Variants in SV2C observed in about 807,000 individuals in gnomAD.
SV2C encodes the protein solute carrier family 22 member B3.
Under a neutral mutation model 79.7 loss-of-function variants are expected in SV2C, and 49 were observed. The ratio of observed to expected loss-of-function variants is 0.61; its 90% CI spans 0.49 to 0.78. The LOEUF is 0.78. SV2C is among the 30% of genes least tolerant of loss of function. SV2C has a pLI of 0.00. For missense variants in SV2C, 833 were observed against 912.9 expected (o/e 0.91, Z 1.13); for synonymous variants, 334 against 333.2 (o/e 1.00, Z -0.03).
At chr5:75,990,494 T>C in the SV2C span, among the ~76,000 whole-genome samples, 1 of 151,994 alleles carries the variant, frequency 6.6e-6, no homozygotes, top group Admixed American at 6.6e-5. Flanking sequence ...CATTACAGAG[T>C]TCTGTTCCAA....
At chr5:76,204,872 TCA>T (rs1744563155) in intron 3 of SV2C, among the ~76,000 whole-genome samples, 1 of 152,162 alleles carries the variant, frequency 6.6e-6, no homozygotes, top group African/African-American at 2.4e-5. Flanking sequence ...GCTGTGAAAT[TCA>T]CAGTCAGGCT....
chr5:75,896,809 T>A, the SV2C span, among the ~76,000 whole-genome samples: 1 of 149,312 alleles, frequency 6.7e-6, no homozygotes, highest in Non-Finnish European at 1.5e-5. Context: ...TGCATTTCTC[T>A]GACGGCCAGT....
chr5:76,270,216 G>A (rs749790696), intron 4 of SV2C, among the ~76,000 whole-genome samples: 4 of 152,190 alleles, frequency 2.6e-5, no homozygotes, highest in Non-Finnish European at 5.9e-5. Context: ...ATGCTTTAAA[G>A]CTGTATTGTA....
chr5:76,352,713 CAATA>C (rs1749665077), intron 12 of SV2C, among the ~76,000 whole-genome samples: 1 of 152,146 alleles, frequency 6.6e-6, no homozygotes, highest in African/African-American at 2.4e-5. Flanking sequence ...GCTGGCTAGA[CAATA>C]AATATTTCAT....
At chr5:76,237,012 G>C (rs1280783172) in intron 4 of SV2C, among the ~76,000 whole-genome samples, 2 of 152,206 alleles carry the variant, frequency 1.3e-5, no homozygotes, top group Non-Finnish European at 2.9e-5. Context: ...CTGATGCCCT[G>C]TGAAGAAGGT....
At chr5:76,106,421 C>T (rs1328099879) in intron 1 of SV2C, among the ~76,000 whole-genome samples, 1 of 152,170 alleles carries the variant, frequency 6.6e-6, no homozygotes, top group African/African-American at 2.4e-5. Context: ...TAAAAGAAGT[C>T]AGATCATGTC....
chr5:76,033,402 T>A, the SV2C span, among the ~76,000 whole-genome samples: 3 of 152,244 alleles, frequency 2.0e-5, no homozygotes, highest in Admixed American at 1.3e-4. Flanking sequence ...AAGTCTTTAA[T>A]CCATCTTGAA....
chr5:76,290,074 G>C lies in SV2C; in HGVS notation c.1138-1147G>C, dbSNP rs547214079. ...GTATGTTGGATTAAGACTATCCCATGATGTAAAAAGAAAAGAAAAAAAAAC... is the reference window on the plus strand; with the variant it reads ...GTATGTTGGATTAAGACTATCCCATCATGTAAAAAGAAAAGAAAAAAAAAC... On this transcript the variant is annotated intron_variant, in intron 6 of 12. Coordinates refer to ENST00000502798, the MANE Select transcript of SV2C (RefSeq NM_014979.4). Among the ~76,000 whole-genome samples the C allele has an allele frequency of 2.6e-4, 39 of 149,568 alleles. 2 individuals carry two copies. The Middle Eastern group carries it at 0.014, about 53-fold the overall frequency.
chr5:76,080,872 G>A (rs1746975730), upstream of SV2C, among the ~76,000 whole-genome samples: 1 of 152,208 alleles, frequency 6.6e-6, no homozygotes. Context: ...AATAAAACTA[G>A]TCTGAGTGCT....
intron 4 of SV2C, among the ~76,000 whole-genome samples, chr5:76,249,284 G>T (rs1364752034): frequency 6.6e-6 from 1 of 152,064 alleles, no homozygotes; most frequent in East Asian, 1.9e-4. Context: ...TTAAGTGGGT[G>T]GTTCTGTAGT....
At chr5:76,132,365 A>T (rs370097334) in intron 2 of SV2C, 35 bp downstream of exon 2, 431 of 1,560,598 alleles carry the variant, frequency 2.8e-4, no homozygotes, top group Non-Finnish European at 3.5e-4. Context: ...CAACTCTGAA[A>T]CTGGCTTATT....
intron 4 of SV2C, among the ~76,000 whole-genome samples, chr5:76,212,614 C>T (rs1006198100): frequency 2.6e-5 from 4 of 152,172 alleles, no homozygotes; most frequent in Admixed American, 2.6e-4. Flanking sequence ...TGTCTCTTTC[C>T]TGGTCCTCCC....
At chr5:76,021,071 T>A in the SV2C span, among the ~76,000 whole-genome samples, 9,367 of 152,258 alleles carry the variant, frequency 0.062, 941 homozygotes, top group African/African-American at 0.21. Context: ...CATTGGTCTA[T>A]CCAGTGATTG....
At chr5:76,235,875 T>C (rs1217876577) in intron 4 of SV2C, among the ~76,000 whole-genome samples, 2 of 152,164 alleles carry the variant, frequency 1.3e-5, no homozygotes, top group Non-Finnish European at 2.9e-5. Flanking sequence ...TTGATTAAAA[T>C]AGAGAACAGT....
the SV2C span, among the ~76,000 whole-genome samples, chr5:75,948,592 G>A: frequency 6.6e-6 from 1 of 152,016 alleles, no homozygotes; most frequent in Non-Finnish European, 1.5e-5. Flanking sequence ...AGGAGTGATT[G>A]CATAGGGTGG....
intron 2 of SV2C, among the ~76,000 whole-genome samples, chr5:76,139,573 G>A (rs1432847607): frequency 6.6e-6 from 1 of 152,156 alleles, no homozygotes. Flanking sequence ...TCTGTCTTTA[G>A]TGTGCTGACA....
intron 1 of SV2C, among the ~76,000 whole-genome samples, chr5:76,125,121 G>A (rs1748661497): frequency 6.6e-6 from 1 of 152,136 alleles, no homozygotes; most frequent in Admixed American, 6.5e-5. Flanking sequence ...TGTCAAAATT[G>A]CATAAAAATG....
the SV2C span, among the ~76,000 whole-genome samples, chr5:75,955,097 A>G: frequency 1.4e-5 from 2 of 147,956 alleles, no homozygotes; most frequent in Non-Finnish European, 3.0e-5. Context: ...GTCAATCCTA[A>G]GCCAAAAGAA....
the SV2C span, among the ~76,000 whole-genome samples, chr5:76,027,062 T>A: frequency 3.5e-5 from 5 of 144,378 alleles, no homozygotes; most frequent in African/African-American, 5.4e-5. Flanking sequence ...CAGTTGTCTT[T>A]TTTTTTTTTT....
Sources: gnomAD v4.1 joint callset for allele counts (sites outside exome capture counted in the v4.1 genomes callset) on GRCh38, gnomAD v4.1.1 for gene constraint, MANE v1.5 for transcripts, NCBI Gene and HGNC (gene_info 2026-07-23, HGNC 2026-07-21) for gene names.